The following NEMP2 variants were observed in gnomAD, a reference collection of about 807,000 sequenced individuals.
NEMP2 encodes the protein UPF0571 transmembrane protein.
In NEMP2, 53 loss-of-function variants were observed where a neutral mutation model predicts 54.2. The ratio of observed to expected loss-of-function variants is 0.98; its 90% confidence interval spans 0.78 to 1.23. NEMP2 has a LOEUF of 1.23. NEMP2 is among the 50% of genes most tolerant of loss of function. The probability of loss-of-function intolerance (pLI) is 0.00; values close to 1 mark genes in which losing one functional copy is unlikely to be tolerated. For missense variants in NEMP2, 455 were observed against 511.3 expected, an observed-to-expected ratio of 0.89 and a Z score of 1.06; for synonymous variants, 197 against 190.3, an observed-to-expected ratio of 1.04 and a Z score of -0.29.
chr2:190,481,356 C>T, the NEMP2 span, among the ~76,000 whole-genome samples: 50 of 152,240 alleles, frequency 3.3e-4, 1 homozygote, highest in East Asian at 9.5e-3. Flanking sequence ...ATTTTATTTC[C>T]TCTGTCCACT....
chr2:190,550,621 C>A, the NEMP2 span, among the ~76,000 whole-genome samples: 1 of 152,068 alleles, frequency 6.6e-6, no homozygotes, highest in East Asian at 1.9e-4. The surrounding 1 kb of genome is among the most constrained non-coding windows in gnomAD (Gnocchi z 4.7). Flanking sequence ...GCTTAAAGTA[C>A]TTTTTTCATA....
chr2:190,584,841 T>C, the NEMP2 span, among the ~76,000 whole-genome samples: 1 of 148,026 alleles, frequency 6.8e-6, no homozygotes, highest in Non-Finnish European at 1.5e-5. The surrounding 1 kb of genome is among the most constrained non-coding windows in gnomAD (Gnocchi z 4.2). Flanking sequence ...ACACCACTGC[T>C]CTCCAGCCTA....
the NEMP2 span, among the ~76,000 whole-genome samples, chr2:190,487,809 C>T: frequency 6.6e-6 from 1 of 152,200 alleles, no homozygotes; most frequent in Non-Finnish European, 1.5e-5. The surrounding 1 kb of genome is among the most constrained non-coding windows in gnomAD (Gnocchi z 5.5). Flanking sequence ...TAAAATGGTA[C>T]AGCTACTTTG....
At chr2:190,591,092 A>T in the NEMP2 span, among the ~76,000 whole-genome samples, 3 of 152,182 alleles carry the variant, frequency 2.0e-5, no homozygotes, top group African/African-American at 7.2e-5. The surrounding 1 kb of genome is among the most constrained non-coding windows in gnomAD (Gnocchi z 5.4). Context: ...TGACAAAAAA[A>T]GGAAATAAGT....
chr2:190,495,527 C>T, the NEMP2 span, among the ~76,000 whole-genome samples: 3 of 152,060 alleles, frequency 2.0e-5, no homozygotes, highest in Non-Finnish European at 2.9e-5. The surrounding 1 kb of genome is among the most constrained non-coding windows in gnomAD (Gnocchi z 4.7). Flanking sequence ...CAAAAAAGAG[C>T]CTGCATAGCC....
At chr2:190,440,318 CACAT>C in the NEMP2 span, among the ~76,000 whole-genome samples, 1 of 152,228 alleles carries the variant, frequency 6.6e-6, no homozygotes, top group African/African-American at 2.4e-5. Flanking sequence ...TAAACACACA[CACAT>C]AGAGTATCTG....
the NEMP2 span, among the ~76,000 whole-genome samples, chr2:190,598,720 T>G: frequency 4.6e-5 from 7 of 152,266 alleles, no homozygotes; most frequent in African/African-American, 1.7e-4. Flanking sequence ...AATGTAATAG[T>G]TACCTAGATC....
At chr2:190,599,604 A>G in the NEMP2 span, among the ~76,000 whole-genome samples, 1 of 151,964 alleles carries the variant, frequency 6.6e-6, no homozygotes, top group African/African-American at 2.4e-5. Flanking sequence ...TTGCTTTTTG[A>G]TTCTGTGTCT....
downstream of NEMP2, chr2:190,500,534 TAC>T (rs1461260989): frequency 3.7e-5 from 11 of 295,714 alleles, no homozygotes; most frequent in Non-Finnish European, 6.4e-5. The surrounding 1 kb of genome is among the most constrained non-coding windows in gnomAD (Gnocchi z 5.3). Context: ...AACCGGCAGT[TAC>T]ACTAAGTAAG....
At chr2:190,469,732 T>TATTTTTATTTTTA in the NEMP2 span, 1 of 964,550 alleles carries the variant, frequency 1.0e-6, no homozygotes, top group African/African-American at 2.6e-5. This position sits in a 1 kb window ranked among gnomAD's most constrained non-coding sequence, Gnocchi z 5.3. Context: ...TTTTTTATTT[T>TATTTTTATTTTTA]ATTTTTATTT....
chr2:190,541,882 C>G, the NEMP2 span, among the ~76,000 whole-genome samples: 1 of 131,156 alleles, frequency 7.6e-6, no homozygotes, highest in Non-Finnish European at 1.7e-5. This position sits in a 1 kb window ranked among gnomAD's most constrained non-coding sequence, Gnocchi z 5.2. Flanking sequence ...TTTTTTTTTT[C>G]TTTTTCTAAC....
the NEMP2 span, among the ~76,000 whole-genome samples, chr2:190,644,852 G>A: frequency 6.6e-6 from 1 of 152,078 alleles, no homozygotes; most frequent in African/African-American, 2.4e-5. This position sits in a 1 kb window ranked among gnomAD's most constrained non-coding sequence, Gnocchi z 4.4. Flanking sequence ...AGTGACACAA[G>A]TTTACCTATG....
intron 5 of NEMP2, among the ~76,000 whole-genome samples, chr2:190,517,090 CA>C (rs56324449): frequency 0.3 from 26,369 of 88,966 alleles, 2,449 homozygotes; most frequent in East Asian, 0.43. Context: ...GACTGTGTCT[CA>C]AAAAAAAAAA....
the NEMP2 span, among the ~76,000 whole-genome samples, chr2:190,446,093 A>G: frequency 6.6e-6 from 1 of 152,188 alleles, no homozygotes; most frequent in Non-Finnish European, 1.5e-5. Context: ...TACCCAAACA[A>G]TAGCACTCTC....
At chr2:190,647,203 T>C in the NEMP2 span, among the ~76,000 whole-genome samples, 1 of 152,204 alleles carries the variant, frequency 6.6e-6, no homozygotes, top group Admixed American at 6.5e-5. Context: ...ATTTGAAATA[T>C]CAACTCAACT....
At chr2:190,490,464 G>C in the NEMP2 span, among the ~76,000 whole-genome samples, 1 of 152,060 alleles carries the variant, frequency 6.6e-6, no homozygotes, top group Non-Finnish European at 1.5e-5. The surrounding 1 kb of genome is among the most constrained non-coding windows in gnomAD (Gnocchi z 4.5). Flanking sequence ...TCAGGAGGCT[G>C]AGGCAGGAGA....
the NEMP2 span, among the ~76,000 whole-genome samples, chr2:190,644,420 G>A: frequency 6.6e-6 from 1 of 152,168 alleles, no homozygotes. This position sits in a 1 kb window ranked among gnomAD's most constrained non-coding sequence, Gnocchi z 4.4. Flanking sequence ...GACTGGTCTT[G>A]TGTTCAAAGG....
chr2:190,444,931 G>T, the NEMP2 span: 1 of 780,066 alleles, frequency 1.3e-6, no homozygotes, highest in Non-Finnish European at 1.6e-6. Context: ...TATGTATCTT[G>T]GTAAATTAAC....
Position 190,506,057 on chromosome 2 carries a change from T to C in NEMP2, c.*3132A>G, listed in dbSNP as rs903141211. ...TGCTGGTCATATCAAGTCAAGTGTT[T>C]TTATCCTTATGCTAGTTATATTTTT... On this transcript the variant is annotated 3_prime_UTR_variant, in exon 9 of 9. Coordinates refer to ENST00000409150, the MANE Select transcript of NEMP2 (RefSeq NM_001142645.2). This position sits in a 1 kb window ranked among gnomAD's most constrained non-coding sequence, Gnocchi z 6.3. 1.3e-5 allele frequency: 2 copies of C among 152,252 alleles called. No individual in the cohort carries two copies. Among genetic ancestry groups the C allele is most frequent in the Non-Finnish European group, 2.9e-5 (2 of 68,044 alleles). 9.4% of individuals were successfully genotyped at this position (152,252 alleles called of 1,614,324 possible). A position where few individuals can be genotyped will look rare whatever the true frequency, so the allele number is the denominator to read the frequency against.
Sources: allele counts gnomAD v4.1 joint callset (sites outside exome capture counted in the v4.1 genomes callset), GRCh38; gene constraint gnomAD v4.1.1; non-coding constraint Gnocchi (gnomAD v3.1); transcripts MANE v1.5; gene names NCBI Gene and HGNC (gene_info 2026-07-23, HGNC 2026-07-21).